Variants in MTDH observed in about 807,000 individuals in gnomAD.
MTDH encodes metadherin.
MTDH carries 34 observed loss-of-function variants against 72.7 expected under a neutral mutation model. The ratio of observed to expected loss-of-function variants is 0.47; its 90% CI spans 0.36 to 0.62. MTDH has a LOEUF of 0.62. MTDH is among the 20% of genes least tolerant of loss of function. The pLI, the probability that MTDH is intolerant of heterozygous loss-of-function variation, is 0.00. For missense variants in MTDH, 677 were observed against 699.4 expected (o/e 0.97, Z 0.36); for synonymous variants, 266 against 268.9 (o/e 0.99, Z 0.10).
rs746172314 is a variant in MTDH at position 97,719,018 on chromosome 8, A to G, written c.1381-31A>G. On this transcript the variant is annotated intron_variant, in intron 9 of 11. Transcript: ENST00000336273. ...TTAATTAATGAAGAATGAATGCTTTATATAATCTAATAGGTTATTTTTCTC... is the reference window on the plus strand; with the variant it reads ...TTAATTAATGAAGAATGAATGCTTTGTATAATCTAATAGGTTATTTTTCTC... 5 of 1,547,324 alleles carry G rather than the reference A, an allele frequency of 3.2e-6. No homozygotes were observed. The Admixed American group carries it at 9.8e-5, about 30-fold the overall frequency.
At chr8:97,713,477 T>C (rs924557089) in intron 8 of MTDH, among the ~76,000 whole-genome samples, 185 bp from the exon 9 acceptor site, 5 of 152,348 alleles carry the variant, frequency 3.3e-5, no homozygotes, top group Middle Eastern at 3.4e-3. Flanking sequence ...AGAATGAGGT[T>C]CCATGTATTT....
rs1586296468 is a variant in MTDH, at chr8:97,727,744, C to G, written c.*3074C>G. 1 of 152,254 alleles carries G rather than the reference C, an allele frequency of 6.6e-6. No individual in the cohort carries two copies. The highest frequency in any genetic ancestry group is 1.9e-4 in the East Asian group (1 of 5,172). The allele number at this position is 152,254 out of a possible 1,614,324, so 9.4% of individuals were successfully genotyped here. ...GAAGCCACTCAAAAGGCTCCCTAAT[C>G]CAGCCTGTCTCCACATACATACTGA... On this transcript the variant is annotated 3_prime_UTR_variant, in exon 12 of 12. Coordinates refer to ENST00000336273, the MANE Select transcript of MTDH (RefSeq NM_178812.4).
At chr8:97,717,743 A>G (rs547952493) in intron 9 of MTDH, among the ~76,000 whole-genome samples, 25 of 150,554 alleles carry the variant, frequency 1.7e-4, no homozygotes, top group Non-Finnish European at 3.1e-4. Flanking sequence ...TGTCCCTGAG[A>G]TTGTTTGTTT....
At chr8:97,713,983 AAAT>A (rs1443356800) in intron 9 of MTDH, among the ~76,000 whole-genome samples, 1 of 152,248 alleles carries the variant, frequency 6.6e-6, no homozygotes, top group East Asian at 1.9e-4. Flanking sequence ...CTAAACTCAA[AAAT>A]AAGTAAAATT....
rs374703041 is a variant in MTDH at position 97,713,692 on chromosome 8, G to A, written c.1303G>A (p.Gly435Arg). The A allele has an allele frequency of 1.9e-6, 3 of 1,605,520 alleles. No individual in the cohort carries two copies. Among genetic ancestry groups the A allele is most frequent in the East Asian group, 2.2e-5 (1 of 44,716 alleles). Residue 435 changes from glycine (G) to arginine (R), a missense_variant, in exon 9 of 12, where the codon GGA becomes AGA. Transcript: ENST00000336273. Reference protein sequence around the residue: ...VSDDDKEKGEGALPTGKSKKK... With the variant: ...VSDDDKEKGERALPTGKSKKK... ...AGATGATGATAAAGAAAAGGGAGAG[G>A]GAGCTCTTCCAACTGGGAAATCCAA... is the stretch of plus-strand genomic sequence containing the variant.
At chr8:97,654,765 A>G (rs1333790950) in intron 1 of MTDH, among the ~76,000 whole-genome samples, 6 of 152,142 alleles carry the variant, frequency 3.9e-5, no homozygotes, top group Admixed American at 1.3e-4. Flanking sequence ...ACACACACAC[A>G]CAATGCCTCC....
chr8:97,694,546 A>G (rs1196209704), intron 6 of MTDH, among the ~76,000 whole-genome samples: 1 of 152,122 alleles, frequency 6.6e-6, no homozygotes, highest in African/African-American at 2.4e-5. Flanking sequence ...AGATCATTTA[A>G]TTATATTGTT....
rs1175529366 is a variant in MTDH at position 97,691,297 on chromosome 8, C to T, written c.1048+109C>T. ...TATGAATAGAAAAATAAGTACTGCT[C>T]TGCAGAAATAATAGTAATAATTAAC... On this transcript the variant is annotated intron_variant, in intron 6 of 11. Coordinates refer to ENST00000336273, the MANE Select transcript of MTDH (RefSeq NM_178812.4). 4.5e-5 allele frequency: 33 copies of T among 739,172 alleles called. No individual in the cohort carries two copies. In the South Asian group the frequency reaches 6.5e-4, roughly 15 times the overall value. The allele number at this position is 739,172 out of a possible 1,614,324, so 45.8% of individuals were successfully genotyped here.
At chr8:97,698,025 A>C (rs966843839) in intron 6 of MTDH, among the ~76,000 whole-genome samples, 3 of 152,352 alleles carry the variant, frequency 2.0e-5, no homozygotes, top group African/African-American at 7.2e-5. Flanking sequence ...TTTACATTAA[A>C]ATATACATAT....
intron 7 of MTDH, among the ~76,000 whole-genome samples, chr8:97,702,823 CA>C (rs1814189206): frequency 6.6e-6 from 1 of 151,982 alleles, no homozygotes; most frequent in Non-Finnish European, 1.5e-5. Flanking sequence ...AAACAGCTGA[CA>C]ACCAAATAAA....
intron 10 of MTDH, 105 bp from the exon 11 acceptor site, chr8:97,722,774 A>G (rs951992889): frequency 7.1e-6 from 8 of 1,123,078 alleles, no homozygotes; most frequent in South Asian, 3.3e-5. Flanking sequence ...TGGAAACCAT[A>G]TTAGTATTGA....
At chr8:97,708,867 T>C (rs1043269461) in intron 8 of MTDH, among the ~76,000 whole-genome samples, 33 of 151,986 alleles carry the variant, frequency 2.2e-4, no homozygotes, top group Non-Finnish European at 1.6e-4. Flanking sequence ...CCCAGAGTGC[T>C]GGGATTACAG....
Position 97,713,758 on chromosome 8 carries a change from T to C in MTDH, c.1369T>C (p.Ser457Pro), listed in dbSNP as rs1455284459. The C allele has an allele frequency of 6.4e-7, 1 of 1,573,694 alleles. No homozygotes were observed. The highest frequency in any genetic ancestry group is 2.0e-5 in the Admixed American group (1 of 51,050). ...KKKKKQGEDN[S>P]TAQDTEELEK... ...AAAGAAGAAGCAAGGTGAAGATAAC[T>C]CTACTGCACAGGTAAAATGTCAGAA... Residue 457 changes from serine to proline, a missense_variant, in exon 9 of 12, where the codon TCT becomes CCT. Transcript: ENST00000336273.
intron 2 of MTDH, among the ~76,000 whole-genome samples, chr8:97,681,273 A>C (rs1040760223): frequency 1.1e-4 from 17 of 152,156 alleles, no homozygotes; most frequent in African/African-American, 3.9e-4. Flanking sequence ...ATGTTCAAAG[A>C]GGTACCAGTC....
chr8:97,704,253 C>T (rs943990931), intron 7 of MTDH, among the ~76,000 whole-genome samples: 2 of 152,186 alleles, frequency 1.3e-5, no homozygotes, highest in African/African-American at 4.8e-5. Flanking sequence ...CCTATCTTCA[C>T]CCCTGAATAG....
chr8:97,724,462 G>A (rs936617912), intron 11 of MTDH, 138 bp from the exon 12 acceptor site: 3 of 573,924 alleles, frequency 5.2e-6, no homozygotes, highest in Non-Finnish European at 8.9e-6. Context: ...AATATATAAC[G>A]AGGGCTTGAA....
Position 97,727,157 on chromosome 8 carries a change from C to A in MTDH, c.*2487C>A, listed in dbSNP as rs1488472324. 2 of 151,784 alleles carry A rather than the reference C, an allele frequency of 1.3e-5. No homozygotes were observed. The highest frequency in any genetic ancestry group is 1.3e-4 in the Admixed American group (2 of 15,236). The allele number at this position is 151,784 out of a possible 1,614,324, so 9.4% of individuals were successfully genotyped here. A position where few individuals can be genotyped will look rare whatever the true frequency, so the allele number is the denominator to read the frequency against. ...CACATGCATGAGGTGCAAACTCTGT[C>A]ACAAAGTATTTTAATTACCTTTTAC... On this transcript the variant is annotated 3_prime_UTR_variant, in exon 12 of 12. Transcript: ENST00000336273.
At chr8:97,660,450 G>A (rs1360480023) in intron 1 of MTDH, among the ~76,000 whole-genome samples, 1 of 152,078 alleles carries the variant, frequency 6.6e-6, no homozygotes, top group Non-Finnish European at 1.5e-5. Flanking sequence ...GAATTATGTA[G>A]TTGCAACAAA....
chr8:97,680,681 C>G, intron 2 of MTDH, among the ~76,000 whole-genome samples: 1 of 152,078 alleles, frequency 6.6e-6, no homozygotes, highest in East Asian at 1.9e-4. Context: ...AATTAACATA[C>G]AGATTTTTTG....
Sources: allele counts gnomAD v4.1 joint callset (sites outside exome capture counted in the v4.1 genomes callset), GRCh38; gene constraint gnomAD v4.1.1; transcripts MANE v1.5; gene names NCBI Gene and HGNC (gene_info 2026-07-23, HGNC 2026-07-21).